ELL: variants seen among roughly 807,000 people sequenced by gnomAD.
ELL encodes RNA polymerase II elongation factor ELL.
A neutral mutation model predicts 64.0 loss-of-function variants in ELL; 18 were observed. The observed-to-expected ratio is 0.28, with a 90% CI of 0.19 to 0.42. The LOEUF (loss-of-function observed/expected upper bound fraction) is 0.42. ELL is among the 10% of genes least tolerant of loss of function. The pLI, the probability that ELL is intolerant of heterozygous loss-of-function variation, is 1.00. For missense variants in ELL, 797 were observed against 870.4 expected (o/e 0.92, Z 1.06); for synonymous variants, 399 against 376.2 (o/e 1.06, Z -0.70).
At chr19:18,453,206 G>A (rs186996938) in intron 6 of ELL, among the ~76,000 whole-genome samples, 13 of 152,312 alleles carry the variant, frequency 8.5e-5, no homozygotes, top group Middle Eastern at 3.4e-3. Context: ...CCCGGGAGGC[G>A]GAGGTTGCAG....
intron 1 of ELL, among the ~76,000 whole-genome samples, chr19:18,507,738 T>C (rs1975914388): frequency 6.6e-6 from 1 of 152,182 alleles, no homozygotes; most frequent in Non-Finnish European, 1.5e-5. Flanking sequence ...TCCCTCTGTG[T>C]AGGAGATTGC....
chr19:18,464,329 G>A (rs751653639), intron 4 of ELL, among the ~76,000 whole-genome samples: 22 of 152,188 alleles, frequency 1.4e-4, no homozygotes, highest in Admixed American at 6.5e-4. Context: ...TTGTGCCACC[G>A]CACTCCAGCC....
At chr19:18,444,948 C>CA in intron 11 of ELL, 80 bp from the exon 12 acceptor site, 1 of 1,472,548 alleles carries the variant, frequency 6.8e-7, no homozygotes, top group Non-Finnish European at 9.2e-7. Flanking sequence ...GTGTCCCCCC[C>CA]AAACCAAAAA....
At chr19:18,473,148 C>A in intron 1 of ELL, 2 of 674,254 alleles carry the variant, frequency 3.0e-6, no homozygotes, top group South Asian at 1.5e-5. Context: ...AGGCAACAGG[C>A]TGGCGGAAGG....
In ELL at chr19:18,446,732, CCAGA is replaced by C. The variant is rs1974425090; in HGVS notation, c.1532+12_1532+15del. On this transcript the variant is annotated intron_variant, in intron 9 of 11. Transcript: ENST00000262809. ...AAAAGGGAGGCCTGGCCTGCAGGGCCCAGACAAACACTCACAGCAAGTAGTCAGG... is the reference window on the plus strand; with the variant it reads ...AAAAGGGAGGCCTGGCCTGCAGGGCCCAAACACTCACAGCAAGTAGTCAGG... 1.9e-6 allele frequency: 3 copies of C among 1,613,806 alleles called. No individual in the cohort carries two copies. The highest frequency in any genetic ancestry group is 2.5e-6 in the Non-Finnish European group (3 of 1,179,928).
At position 18,458,283 on chromosome 19, in the gene ELL, C is replaced by A; in HGVS notation, c.791G>T (p.Cys264Phe). The change falls in exon 6 of 12, where the codon TGC becomes TTC. Residue 264 changes from cysteine (C) to phenylalanine (F), a missense_variant. Coordinates refer to ENST00000262809, the MANE Select transcript of ELL (RefSeq NM_006532.4). ...AKDGTCTLQDCMYKDVQKDWP... is the reference protein window; with the variant it reads ...AKDGTCTLQDFMYKDVQKDWP... ...GTCCTTCTGCACATCCTTGTACATG[C>A]AGTCCTGCAGTGTACACGTGCCGTC... is the stretch of plus-strand genomic sequence containing the variant. 6.2e-7 allele frequency: 1 copy of A among 1,613,368 alleles called. No homozygotes were observed. Among genetic ancestry groups the A allele is most frequent in the Non-Finnish European group, 8.5e-7 (1 of 1,180,012 alleles).
intron 1 of ELL, chr19:18,473,101 G>C (rs919601649): frequency 2.4e-5 from 16 of 677,778 alleles, no homozygotes; most frequent in Non-Finnish European, 4.2e-5. Flanking sequence ...CAGAGGGCTG[G>C]GGACACATGA....
intron 2 of ELL, chr19:18,471,065 A>C (rs753742976): frequency 1.6e-5 from 7 of 443,866 alleles, no homozygotes; most frequent in South Asian, 1.1e-4. Context: ...TAGGTACAAC[A>C]TGGTAACTCT....
At chr19:18,452,906 C>G (rs1380124699) in intron 6 of ELL, among the ~76,000 whole-genome samples, 1 of 152,226 alleles carries the variant, frequency 6.6e-6, no homozygotes, top group Non-Finnish European at 1.5e-5. Flanking sequence ...CAACAAACGT[C>G]AGACCTCAAA....
At chr19:18,456,629 G>C (rs951214220) in intron 6 of ELL, among the ~76,000 whole-genome samples, 2 of 152,172 alleles carry the variant, frequency 1.3e-5, no homozygotes, top group Non-Finnish European at 2.9e-5. Context: ...GGAACTCTTG[G>C]GGGGACCTGC....
At chr19:18,521,717 T>C (rs1009708027) in intron 1 of ELL, among the ~76,000 whole-genome samples, 1 of 151,878 alleles carries the variant, frequency 6.6e-6, no homozygotes, top group African/African-American at 2.4e-5. Context: ...CACCCGCCTG[T>C]ATTGCCTCCT....
rs530594631 is a variant in ELL at position 18,482,308 on chromosome 19, CTTTTTTTT to C, written c.136-9434_136-9427del. Among the ~76,000 whole-genome samples, 255 of 77,570 alleles carry C rather than the reference CTTTTTTTT, an allele frequency of 3.3e-3. 1 individual carries two copies. Among genetic ancestry groups the C allele is most frequent in the South Asian group, 0.011 (26 of 2,262 alleles). 50.9% of individuals were successfully genotyped at this position (77,570 alleles called of 152,430 possible). On this transcript the variant is annotated intron_variant, in intron 1 of 11. Coordinates refer to ENST00000262809, the MANE Select transcript of ELL (RefSeq NM_006532.4). Reference sequence around the variant, plus strand: ...TAGTCCATGGCTTGTCTTTTCATTCCTTTTTTTTTTTTTTTTTTTTTTTTTTTTAAACA... The same window carrying C: ...TAGTCCATGGCTTGTCTTTTCATTCCTTTTTTTTTTTTTTTTTTTTAAACA...
intron 1 of ELL, among the ~76,000 whole-genome samples, chr19:18,509,481 C>A (rs1187354953): frequency 6.6e-6 from 1 of 152,116 alleles, no homozygotes; most frequent in Non-Finnish European, 1.5e-5. Context: ...CCCACCCGGC[C>A]CCTTGGCCCA....
At chr19:18,493,832 T>C (rs973643446) in intron 1 of ELL, among the ~76,000 whole-genome samples, 1 of 152,198 alleles carries the variant, frequency 6.6e-6, no homozygotes, top group Non-Finnish European at 1.5e-5. Context: ...CCACTCCTCA[T>C]AGCTCTTTGC....
chr19:18,465,778 G>C lies in ELL; in HGVS notation c.305+19C>G. On this transcript the variant is annotated intron_variant, in intron 3 of 11. Transcript: ENST00000262809. ...CCTCAAGAGCCGGCGGGGTGCTCTGGGGTGGGGCGGCGCCTCACCTGGAGA... is the reference window on the plus strand; with the variant it reads ...CCTCAAGAGCCGGCGGGGTGCTCTGCGGTGGGGCGGCGCCTCACCTGGAGA... 7.0e-7 allele frequency: 1 copy of C among 1,425,012 alleles called. No individual in the cohort carries two copies. The highest frequency in any genetic ancestry group is 2.6e-5 in the East Asian group (1 of 37,820). 88.3% of individuals were successfully genotyped at this position (1,425,012 alleles called of 1,614,324 possible).
chr19:18,451,956 T>C (rs1974549099), intron 6 of ELL, among the ~76,000 whole-genome samples: 1 of 152,224 alleles, frequency 6.6e-6, no homozygotes. Flanking sequence ...TAAAGACAGC[T>C]GTTCATCCTG....
chr19:18,445,433 A>G, intron 10 of ELL, 165 bp from the exon 11 acceptor site: 1 of 648,482 alleles, frequency 1.5e-6, no homozygotes, highest in Non-Finnish European at 2.7e-6. Context: ...GTAGCTCCGG[A>G]GTGGGTGGGG....
At chr19:18,520,754 A>T in intron 1 of ELL, among the ~76,000 whole-genome samples, 1 of 126,872 alleles carries the variant, frequency 7.9e-6, no homozygotes, top group Admixed American at 9.3e-5. Flanking sequence ...AAACACACAC[A>T]CACGCAGGGA....
In ELL at chr19:18,501,091, C is replaced by T. The variant is rs193199845; in HGVS notation, c.135+20830G>A. On this transcript the variant is annotated intron_variant, in intron 1 of 11. Transcript: ENST00000262809. This position sits in a 1 kb window ranked among gnomAD's most constrained non-coding sequence, Gnocchi z 4.5. ...CCCATCCCAAGCATGTGGGCGCACA[C>T]CCAGGAGAAGAACGAGCGGGCCACG... 2.4e-3 allele frequency among the ~76,000 whole-genome samples: 365 copies of T among 152,184 alleles called. 1 individual carries two copies. The highest frequency in any genetic ancestry group is 4.4e-3 in the Non-Finnish European group (297 of 68,020).
Sources: allele counts gnomAD v4.1 joint callset (sites outside exome capture counted in the v4.1 genomes callset), GRCh38; gene constraint gnomAD v4.1.1; non-coding constraint Gnocchi (gnomAD v3.1); transcripts MANE v1.5; gene names NCBI Gene and HGNC (gene_info 2026-07-23, HGNC 2026-07-21).